AP5M1: variants seen among roughly 807,000 people sequenced by gnomAD.
The protein encoded by AP5M1 is AP-5 complex subunit mu-1.
Under a neutral mutation model 52.3 loss-of-function variants are expected in AP5M1, and 44 were observed. That is an observed-to-expected ratio of 0.84 (90% confidence interval 0.66 to 1.08). AP5M1 has a LOEUF of 1.08. Ranked by LOEUF, AP5M1 falls within the 50% of genes least tolerant of loss-of-function variation. The pLI, the probability that AP5M1 is intolerant of heterozygous loss-of-function variation, is 0.00. For synonymous variants in AP5M1, 213 were observed against 199.0 expected (o/e 1.07, Z -0.59); for missense variants, 526 against 568.4 (o/e 0.93, Z 0.76).
intron 6 of AP5M1, among the ~76,000 whole-genome samples, chr14:57,284,917 G>C (rs1334805301): frequency 1.3e-5 from 2 of 152,006 alleles, no homozygotes; most frequent in Non-Finnish European, 2.9e-5. Context: ...ATGTTCAGTG[G>C]GTAGCTAAAA....
rs1286728541 is a variant in AP5M1, at chr14:57,269,194, G to C, written c.-121G>C. 3 of 920,400 alleles carry C rather than the reference G, an allele frequency of 3.3e-6. No homozygotes were observed. The highest frequency in any genetic ancestry group is 5.1e-6 in the Non-Finnish European group (3 of 589,962). The allele number at this position is 920,400 out of a possible 1,614,324, so 57.0% of individuals were successfully genotyped here. ...CTAACCTCTCTGCTGAGCGCGACCG[G>C]TATGCGGCGCAGGATGAGCCTCAGG... On this transcript the variant is annotated 5_prime_UTR_variant, in exon 1 of 8. Coordinates refer to ENST00000261558, the MANE Select transcript of AP5M1 (RefSeq NM_018229.4).
chr14:57,269,035 T>A lies in AP5M1; in HGVS notation c.-280T>A. The A allele has an allele frequency of 1.8e-6, 1 of 552,610 alleles. No individual in the cohort carries two copies. The highest frequency in any genetic ancestry group is 3.7e-5 in the Admixed American group (1 of 27,366). The allele number at this position is 552,610 out of a possible 1,614,324, so 34.2% of individuals were successfully genotyped here. ...CGGGCCACCATTCCGGAAGTAGAAT[T>A]TAGAGGAAGAAAATACCGGAGTTGC... On this transcript the variant is annotated 5_prime_UTR_variant, in exon 1 of 8. Transcript: ENST00000261558.
intron 2 of AP5M1, among the ~76,000 whole-genome samples, chr14:57,277,801 T>G (rs1885077062): frequency 6.6e-6 from 1 of 151,976 alleles, no homozygotes; most frequent in African/African-American, 2.4e-5. Flanking sequence ...ACATTTTTTA[T>G]TATTGTTTTC....
intron 2 of AP5M1, among the ~76,000 whole-genome samples, chr14:57,276,317 T>A (rs543255891): frequency 6.6e-6 from 1 of 152,348 alleles, no homozygotes; most frequent in South Asian, 2.1e-4. Context: ...GGCTCACTCC[T>A]GTAATCCCAG....
At chr14:57,282,793 A>ATT in intron 4 of AP5M1, 141 bp from the exon 5 acceptor site, 1 of 493,776 alleles carries the variant, frequency 2.0e-6, no homozygotes, top group South Asian at 4.4e-5. Flanking sequence ...AACATTCATT[A>ATT]TTTGTTCTAT....
chr14:57,289,945 C>T lies in AP5M1; in HGVS notation c.*1061C>T, dbSNP rs945718048. 1 of 151,832 alleles carries T rather than the reference C, an allele frequency of 6.6e-6. No individual in the cohort carries two copies. Among genetic ancestry groups the T allele is most frequent in the African/African-American group, 2.4e-5 (1 of 41,366 alleles). The allele number at this position is 151,832 out of a possible 1,614,324, so 9.4% of individuals were successfully genotyped here. ...TATATATCATATTATGTTTTCAGAG[C>T]AGTTCATTGTCAAGTTGGACTTTAA... On this transcript the variant is annotated 3_prime_UTR_variant, in exon 8 of 8. Transcript: ENST00000261558.
In AP5M1 at chr14:57,291,050, A is replaced by T. The variant is rs771516803; in HGVS notation, c.*2166A>T. The T allele has an allele frequency of 4.6e-5, 7 of 151,938 alleles. No homozygotes were observed. Among genetic ancestry groups the T allele is most frequent in the Non-Finnish European group, 7.4e-5 (5 of 67,884 alleles). 9.4% of individuals were successfully genotyped at this position (151,938 alleles called of 1,614,324 possible). ...ATTTCAAAGGGATTCCGATTCCAGA[A>T]GCTTAATCGTGATTGACATGTTCTT... On this transcript the variant is annotated 3_prime_UTR_variant, in exon 8 of 8. Transcript: ENST00000261558.
rs1857173708 is a variant in AP5M1 at position 57,293,538 on chromosome 14, A to C, written c.*4654A>C. The C allele has an allele frequency of 6.6e-6, 1 of 151,704 alleles. No individual in the cohort carries two copies. The highest frequency in any genetic ancestry group is 1.5e-5 in the Non-Finnish European group (1 of 67,782). The allele number at this position is 151,704 out of a possible 1,614,324, so 9.4% of individuals were successfully genotyped here. On this transcript the variant is annotated 3_prime_UTR_variant, in exon 8 of 8. Transcript: ENST00000261558. ...AATATATTTTGATAGCAAGTTCCTA[A>C]ACCACAGCAGAATTGCGGATCAGGA...
chr14:57,271,869 T>A (rs1884904135), intron 1 of AP5M1, among the ~76,000 whole-genome samples: 1 of 152,202 alleles, frequency 6.6e-6, no homozygotes, highest in Non-Finnish European at 1.5e-5. Flanking sequence ...CTCTGTAGTG[T>A]GGGTCAGTTT....
rs1210096882 is a variant in AP5M1, at chr14:57,297,689, C to T, written c.*8805C>T. 1 of 152,080 alleles carries T rather than the reference C, an allele frequency of 6.6e-6. No homozygotes were observed. The highest frequency in any genetic ancestry group is 2.4e-5 in the African/African-American group (1 of 41,408). The allele number at this position is 152,080 out of a possible 1,614,324, so 9.4% of individuals were successfully genotyped here. A position where few individuals can be genotyped will look rare whatever the true frequency, so the allele number is the denominator to read the frequency against. On this transcript the variant is annotated 3_prime_UTR_variant, in exon 8 of 8. Transcript: ENST00000261558. ...TCCCCTACCTCCCTAATATTTCAAA[C>T]TTCTTGTGGACAATGACATTCATTT...
At chr14:57,276,609 GTTTTT>G (rs34911527) in intron 2 of AP5M1, among the ~76,000 whole-genome samples, 1 of 128,448 alleles carries the variant, frequency 7.8e-6, no homozygotes, top group African/African-American at 2.8e-5. Flanking sequence ...CACCAATTCT[GTTTTT>G]TTTTTTTTTT....
chr14:57,276,016 A>G (rs1010408633), intron 2 of AP5M1, among the ~76,000 whole-genome samples: 1 of 152,084 alleles, frequency 6.6e-6, no homozygotes, highest in Admixed American at 6.5e-5. Flanking sequence ...ATAAAACTAG[A>G]GTTCAAGAGC....
At position 57,269,014 on chromosome 14, in the gene AP5M1, C is replaced by T; in HGVS notation, c.-301C>T. On this transcript the variant is annotated 5_prime_UTR_variant, in exon 1 of 8. Transcript: ENST00000261558. ...TATGAGGAACTTTGATCCTTGCGGG[C>T]CACCATTCCGGAAGTAGAATTTAGA... 1.8e-6 allele frequency: 1 copy of T among 552,358 alleles called. No individual in the cohort carries two copies. Among genetic ancestry groups the T allele is most frequent in the Non-Finnish European group, 3.2e-6 (1 of 316,906 alleles). The allele number at this position is 552,358 out of a possible 1,614,324, so 34.2% of individuals were successfully genotyped here.
intron 1 of AP5M1, among the ~76,000 whole-genome samples, chr14:57,270,231 T>C (rs746953569): frequency 1.3e-5 from 2 of 152,224 alleles, no homozygotes; most frequent in Non-Finnish European, 1.5e-5. Flanking sequence ...TTGTGTTAAG[T>C]TGATCTGGTC....
At chr14:57,271,116 G>A (rs1038549508) in intron 1 of AP5M1, 16 of 152,224 alleles carry the variant, frequency 1.1e-4, no homozygotes, top group South Asian at 1.0e-3. Context: ...GTTCTACTAT[G>A]TTGGACAGTG....
chr14:57,270,041 C>G lies in AP5M1; in HGVS notation c.74+653C>G, dbSNP rs137958584. On this transcript the variant is annotated intron_variant, in intron 1 of 7. Coordinates refer to ENST00000261558, the MANE Select transcript of AP5M1 (RefSeq NM_018229.4). ...GCCAGGATAGTCTTGATCTCCTGAC[C>G]TCGTGATCCGCCCGCCTTGGCTCTC... is the stretch of plus-strand genomic sequence containing the variant. Among the ~76,000 whole-genome samples, 68 of 152,278 alleles carry G rather than the reference C, an allele frequency of 4.5e-4. 1 individual carries two copies. The East Asian group carries it at 9.5e-3, about 21-fold the overall frequency.
intron 2 of AP5M1, among the ~76,000 whole-genome samples, chr14:57,276,322 TC>T (rs1885035374): frequency 6.6e-6 from 1 of 152,178 alleles, no homozygotes; most frequent in South Asian, 2.1e-4. Context: ...ACTCCTGTAA[TC>T]CCAGCACTTT....
chr14:57,270,051 G>T (rs904537890), intron 1 of AP5M1, among the ~76,000 whole-genome samples: 1 of 152,136 alleles, frequency 6.6e-6, no homozygotes, highest in Admixed American at 6.5e-5. Context: ...CTCGTGATCC[G>T]CCCGCCTTGG....
intron 7 of AP5M1, among the ~76,000 whole-genome samples, chr14:57,288,528 T>TTCACA (rs1885361887): frequency 6.6e-6 from 1 of 152,004 alleles, no homozygotes; most frequent in African/African-American, 2.4e-5. Flanking sequence ...ACGAAAAAGA[T>TTCACA]TTTAGAGAAA....
Sources: allele counts gnomAD v4.1 joint callset (sites outside exome capture counted in the v4.1 genomes callset), GRCh38; gene constraint gnomAD v4.1.1; transcripts MANE v1.5; gene names NCBI Gene and HGNC (gene_info 2026-07-23, HGNC 2026-07-21).